KIF18A: variants seen among roughly 807,000 people sequenced by gnomAD.
The protein encoded by KIF18A is kinesin-like protein KIF18A.
In KIF18A, 67 loss-of-function variants were observed where a neutral mutation model predicts 103.3. That is an observed-to-expected ratio of 0.65 (90% confidence interval 0.53 to 0.79). The LOEUF is 0.79. Among genes scored for constraint, KIF18A ranks in the 30% least tolerant of loss-of-function variants. KIF18A has a pLI of 0.00. For missense variants in KIF18A, 1,032 were observed against 1,062.5 expected (o/e 0.97, Z 0.40); for synonymous variants, 367 against 355.5 (o/e 1.03, Z -0.36).
chr11:28,103,947 C>T (rs966566587), intron 1 of KIF18A, among the ~76,000 whole-genome samples: 6 of 152,070 alleles, frequency 3.9e-5, no homozygotes, highest in Admixed American at 3.9e-4. Context: ...TATTACTTAG[C>T]AAAGCTAATA....
chr11:28,071,913 A>G (rs1031305529), intron 10 of KIF18A, among the ~76,000 whole-genome samples: 1 of 152,162 alleles, frequency 6.6e-6, no homozygotes, highest in African/African-American at 2.4e-5. Flanking sequence ...GGACTCTTAG[A>G]AACCAGGGCA....
At chr11:28,087,430 T>C (rs1293022209) in intron 6 of KIF18A, among the ~76,000 whole-genome samples, 1 of 152,258 alleles carries the variant, frequency 6.6e-6, no homozygotes, top group Non-Finnish European at 1.5e-5. Flanking sequence ...TCCTTTTTCA[T>C]GGCTGCATAG....
Position 28,086,098 on chromosome 11 carries a change from G to A in KIF18A, c.898-1290C>T, listed in dbSNP as rs147072304. Among the ~76,000 whole-genome samples, 965 of 152,214 alleles carry A rather than the reference G, an allele frequency of 6.3e-3. 13 individuals are homozygous for A. The highest frequency in any genetic ancestry group is 0.019 in the South Asian group (91 of 4,816). ...AAATTAACAATAGGGAAAACCAGGT[G>A]TGGAGCATATTTAACAAAATCTGTA... On this transcript the variant is annotated intron_variant, in intron 6 of 16. Coordinates refer to ENST00000263181, the MANE Select transcript of KIF18A (RefSeq NM_031217.4).
intron 15 of KIF18A, among the ~76,000 whole-genome samples, chr11:28,034,667 A>G (rs1414675013): frequency 6.6e-6 from 1 of 151,760 alleles, no homozygotes; most frequent in African/African-American, 2.4e-5. Context: ...GTACAGAATA[A>G]TTTTGTTTCC....
intron 13 of KIF18A, among the ~76,000 whole-genome samples, chr11:28,041,623 C>T (rs1850562312): frequency 6.6e-6 from 1 of 151,648 alleles, no homozygotes; most frequent in Non-Finnish European, 1.5e-5. Flanking sequence ...ATAATGTGAT[C>T]TGATTGATGT....
At position 28,090,701 on chromosome 11, in the gene KIF18A, A is replaced by T; in HGVS notation, c.615T>A (p.His205Gln). ...HQPKSSEEIL[H>Q]LLDNGNKNRT... ...TGTTTTTGTTTCCATTATCCAATAA[A>T]TGTAAAATTTCTTCTGAGGATTTGG... The change falls in exon 5 of 17, where the codon CAT (histidine) becomes CAA (glutamine). Residue 205 changes from histidine (H) to glutamine (Q), a missense_variant. By Grantham distance (24) the His-to-Gln change is conservative (BLOSUM62 0). Transcript: ENST00000263181. The T allele has an allele frequency of 6.2e-7, 1 of 1,605,984 alleles. No homozygotes were observed. Among genetic ancestry groups the T allele is most frequent in the Non-Finnish European group, 8.5e-7 (1 of 1,173,756 alleles).
chr11:28,072,900 G>C (rs1186371969), intron 10 of KIF18A, among the ~76,000 whole-genome samples: 2 of 151,836 alleles, frequency 1.3e-5, no homozygotes, highest in African/African-American at 4.8e-5. Flanking sequence ...AAATTACTTT[G>C]GGATTACATA....
At chr11:28,055,101 C>T (rs971024932) in intron 13 of KIF18A, among the ~76,000 whole-genome samples, 1 of 152,026 alleles carries the variant, frequency 6.6e-6, no homozygotes, top group Non-Finnish European at 1.5e-5. Flanking sequence ...TTAAGTTTTG[C>T]TTTCCAGAGA....
intron 13 of KIF18A, among the ~76,000 whole-genome samples, chr11:28,046,154 G>A (rs1850630470): frequency 6.6e-6 from 1 of 151,922 alleles, no homozygotes; most frequent in South Asian, 2.1e-4. Context: ...CAGGGATCTA[G>A]AACTAGAAGT....
At chr11:28,077,468 ACATCTATATG>A (rs1410388500) in intron 9 of KIF18A, among the ~76,000 whole-genome samples, 8 of 152,194 alleles carry the variant, frequency 5.3e-5, no homozygotes, top group African/African-American at 1.9e-4. Flanking sequence ...GTCTATGCTT[ACATCTATATG>A]TAATCCTATT....
At chr11:28,060,994 T>C (rs1850850164) in intron 12 of KIF18A, among the ~76,000 whole-genome samples, 2 of 152,196 alleles carry the variant, frequency 1.3e-5, no homozygotes, top group South Asian at 4.1e-4. Context: ...TTGCGCCCTG[T>C]ACCTTTTCCC....
chr11:28,085,212 G>A (rs890424245), intron 6 of KIF18A, among the ~76,000 whole-genome samples: 2 of 152,138 alleles, frequency 1.3e-5, no homozygotes, highest in African/African-American at 4.8e-5. Context: ...TGGTCAAGTG[G>A]TAATGCCAGT....
intron 15 of KIF18A, among the ~76,000 whole-genome samples, chr11:28,032,255 A>G (rs1019232390): frequency 1.3e-4 from 19 of 151,968 alleles, no homozygotes; most frequent in Non-Finnish European, 2.1e-4. Context: ...ATGTTCATGG[A>G]TTGGAAGAAT....
intron 12 of KIF18A, among the ~76,000 whole-genome samples, chr11:28,059,530 C>T (rs1850831613): frequency 6.6e-6 from 1 of 152,130 alleles, no homozygotes; most frequent in Non-Finnish European, 1.5e-5. Context: ...CTCCTGGCCT[C>T]ACTTGATCCT....
At chr11:28,075,251 T>C (rs1423314376) in intron 10 of KIF18A, among the ~76,000 whole-genome samples, 2 of 152,150 alleles carry the variant, frequency 1.3e-5, no homozygotes, top group Non-Finnish European at 2.9e-5. Flanking sequence ...GTCTCCCAGC[T>C]CATGTAAAAA....
intron 13 of KIF18A, among the ~76,000 whole-genome samples, chr11:28,052,465 T>C (rs1234964675): frequency 7.3e-6 from 1 of 136,516 alleles, no homozygotes; most frequent in South Asian, 2.1e-4. Context: ...ATTCCTATGT[T>C]AGAGATTTTG....
chr11:28,047,513 A>G (rs908010674), intron 13 of KIF18A, among the ~76,000 whole-genome samples: 2 of 152,124 alleles, frequency 1.3e-5, no homozygotes, highest in Admixed American at 1.3e-4. Context: ...AAACAACCAG[A>G]ATTTAGTACT....
intron 1 of KIF18A, among the ~76,000 whole-genome samples, chr11:28,106,551 C>CAAA (rs11301094): frequency 5.2e-4 from 43 of 82,052 alleles, no homozygotes; most frequent in Non-Finnish European, 6.6e-4. Flanking sequence ...CAGTTGTCAG[C>CAAA]AAAAAAAAAA....
At chr11:28,084,147 A>T in intron 7 of KIF18A, 1 of 152,134 alleles carries the variant, frequency 6.6e-6, no homozygotes, top group East Asian at 1.9e-4. Flanking sequence ...TGTGGACTAT[A>T]AATTATGTAG....
Sources: allele counts gnomAD v4.1 joint callset (sites outside exome capture counted in the v4.1 genomes callset), GRCh38; gene constraint gnomAD v4.1.1; transcripts MANE v1.5; gene names NCBI Gene and HGNC (gene_info 2026-07-23, HGNC 2026-07-21).